DTWD2: variants seen among roughly 807,000 people sequenced by gnomAD.
DTWD2 encodes DTW motif tRNA-uridine aminocarboxypropyltransferase 2, also known as tRNA-uridine aminocarboxypropyltransferase 2.
Under a neutral mutation model 31.8 loss-of-function variants are expected in DTWD2, and 39 were observed. That is an observed-to-expected ratio of 1.22 (90% CI 0.95 to 1.60). The LOEUF (loss-of-function observed/expected upper bound fraction) is 1.60, where lower values mean the gene tolerates loss of function less well. DTWD2 is among the 40% of genes most tolerant of loss of function. DTWD2 has a pLI of 0.00. For synonymous variants in DTWD2, 180 were observed against 142.8 expected (o/e 1.26, Z -1.86); for missense variants, 515 against 381.5 (o/e 1.35, Z -2.92).
chr5:118,988,014 A>G (rs1755466836), intron 1 of DTWD2: 2 of 689,376 alleles, frequency 2.9e-6, no homozygotes, highest in Non-Finnish European at 5.3e-6. Flanking sequence ...TACTTCCCCT[A>G]TTGGACGCTT....
In DTWD2 at chr5:118,836,698, G is replaced by T. The variant is rs1189843348; in HGVS notation, c.*4219C>A. 6.6e-6 allele frequency among the ~76,000 whole-genome samples: 1 copy of T among 152,106 alleles called. No homozygotes were observed. Among genetic ancestry groups the T allele is most frequent in the African/African-American group, 2.4e-5 (1 of 41,410 alleles). ...TATAGTATTAGGAAGTGGAACCTTT[G>T]GGGGATGATTAGGTCATAAGGGTCT... is the stretch of plus-strand genomic sequence containing the variant. On this transcript the variant is annotated 3_prime_UTR_variant, in exon 6 of 6. Coordinates refer to ENST00000510708, the MANE Select transcript of DTWD2 (RefSeq NM_173666.4).
chr5:118,971,577 A>G (rs1039133114), intron 1 of DTWD2, among the ~76,000 whole-genome samples: 2 of 152,176 alleles, frequency 1.3e-5, no homozygotes, highest in African/African-American at 2.4e-5. Context: ...GATGATCAAG[A>G]CAGAAAATTA....
intron 5 of DTWD2, 29 bp from the exon 6 acceptor site, chr5:118,841,116 G>T (rs755035594): frequency 6.3e-7 from 1 of 1,579,826 alleles, no homozygotes; most frequent in East Asian, 2.3e-5. Context: ...CACTAAAAAA[G>T]TATCTGTGAC....
intron 1 of DTWD2, among the ~76,000 whole-genome samples, chr5:118,978,175 C>T (rs1211637183): frequency 6.6e-6 from 1 of 151,540 alleles, no homozygotes; most frequent in African/African-American, 2.4e-5. Context: ...CCATATGCAG[C>T]AGAAAGTTGA....
At chr5:118,931,264 G>A (rs139554434) in intron 3 of DTWD2, among the ~76,000 whole-genome samples, 12 of 152,000 alleles carry the variant, frequency 7.9e-5, no homozygotes, top group African/African-American at 1.4e-4. Flanking sequence ...GCATGGTGGC[G>A]TGCACCTATG....
Position 118,920,008 on chromosome 5 carries a change from A to T in DTWD2, c.597+8529T>A, listed in dbSNP as rs556104834. Among the ~76,000 whole-genome samples, 1,171 of 144,518 alleles carry T rather than the reference A, an allele frequency of 8.1e-3. 25 individuals carry two copies. The highest frequency in any genetic ancestry group is 0.03 in the African/African-American group (1,108 of 36,726). 94.8% of individuals were successfully genotyped at this position (144,518 alleles called of 152,430 possible). On this transcript the variant is annotated intron_variant, in intron 4 of 5. Transcript: ENST00000510708. ...TGTATATTACAGTGTAATAAAAATAAAAAAAAAAAGTGCACATTAAATGTA... is the reference window on the plus strand; with the variant it reads ...TGTATATTACAGTGTAATAAAAATATAAAAAAAAAGTGCACATTAAATGTA...
At chr5:118,950,905 C>CT (rs1178979311) in intron 1 of DTWD2, among the ~76,000 whole-genome samples, 1 of 152,020 alleles carries the variant, frequency 6.6e-6, no homozygotes, top group Non-Finnish European at 1.5e-5. Flanking sequence ...AGTTTTGGAG[C>CT]TTTTTTTAAA....
intron 1 of DTWD2, among the ~76,000 whole-genome samples, chr5:118,966,072 A>C (rs1320571010): frequency 6.6e-6 from 1 of 152,040 alleles, no homozygotes; most frequent in Non-Finnish European, 1.5e-5. Context: ...CTCTTGAGAA[A>C]CTCATAAAGA....
chr5:118,863,699 T>C (rs922577931), intron 4 of DTWD2, among the ~76,000 whole-genome samples: 24 of 152,182 alleles, frequency 1.6e-4, no homozygotes, highest in African/African-American at 4.3e-4. Flanking sequence ...GAAAAGGTAA[T>C]TTTGGACATT....
chr5:118,978,713 C>T (rs1755221783), intron 1 of DTWD2, among the ~76,000 whole-genome samples: 1 of 152,064 alleles, frequency 6.6e-6, no homozygotes, highest in Non-Finnish European at 1.5e-5. Context: ...ACTATCAAAA[C>T]GTCAACAAAT....
chr5:118,939,086 A>G, intron 3 of DTWD2, 110 bp downstream of exon 3: 1 of 1,037,806 alleles, frequency 9.6e-7, no homozygotes, highest in Non-Finnish European at 1.3e-6. Context: ...TTTTTGACTA[A>G]TTTCCACTCT....
Position 118,837,142 on chromosome 5 carries a change from G to A in DTWD2, c.*3775C>T, listed in dbSNP as rs1751590447. Among the ~76,000 whole-genome samples the A allele has an allele frequency of 6.6e-6, 1 of 152,184 alleles. No homozygotes were observed. Among genetic ancestry groups the A allele is most frequent in the Non-Finnish European group, 1.5e-5 (1 of 68,042 alleles). ...ATAAAAGGGAAGGGGAACAATGTAG[G>A]TGATGAAAGAGGGAGAGGAAGACCC... is the stretch of plus-strand genomic sequence containing the variant. On this transcript the variant is annotated 3_prime_UTR_variant, in exon 6 of 6. Coordinates refer to ENST00000510708, the MANE Select transcript of DTWD2 (RefSeq NM_173666.4).
chr5:118,960,304 G>A (rs1416015611), intron 1 of DTWD2, among the ~76,000 whole-genome samples: 7 of 151,916 alleles, frequency 4.6e-5, no homozygotes, highest in Non-Finnish European at 7.4e-5. Context: ...ACATATATAC[G>A]GCAAAGAAGC....
At chr5:118,861,243 C>A (rs186299902) in intron 4 of DTWD2, among the ~76,000 whole-genome samples, 1 of 152,218 alleles carries the variant, frequency 6.6e-6, no homozygotes, top group Admixed American at 6.5e-5. Flanking sequence ...GTTACTTAGC[C>A]TAAAGTTTGA....
At chr5:118,881,627 T>A (rs936507318) in intron 4 of DTWD2, among the ~76,000 whole-genome samples, 1 of 151,276 alleles carries the variant, frequency 6.6e-6, no homozygotes, top group African/African-American at 2.4e-5. Context: ...TGACTCAGAG[T>A]TCCACATGGC....
At chr5:118,929,628 G>A (rs1181331248) in intron 3 of DTWD2, among the ~76,000 whole-genome samples, 1 of 152,038 alleles carries the variant, frequency 6.6e-6, no homozygotes, top group Non-Finnish European at 1.5e-5. Context: ...TAATTTGGCT[G>A]AAGTTTTTCT....
chr5:118,984,353 C>T, intron 1 of DTWD2, among the ~76,000 whole-genome samples: 1 of 151,122 alleles, frequency 6.6e-6, no homozygotes, highest in Non-Finnish European at 1.5e-5. Flanking sequence ...CCCAGCTACT[C>T]TGGAGGCTGA....
At position 118,838,750 on chromosome 5, in the gene DTWD2, T is replaced by C. The variant is rs1457767322; in HGVS notation, c.*2167A>G. 1 of 128,690 alleles carries C rather than the reference T, an allele frequency of 7.8e-6. No homozygotes were observed. Among genetic ancestry groups the C allele is most frequent in the African/African-American group, 3.9e-5 (1 of 25,420 alleles). 8.0% of individuals were successfully genotyped at this position (128,690 alleles called of 1,614,324 possible). ...TTTCCAAAAACACTAAATTTTAAGC[T>C]TTTTAAGTCTTCAAAAATACTCTAA... On this transcript the variant is annotated 3_prime_UTR_variant, in exon 6 of 6. Transcript: ENST00000510708.
At chr5:118,851,218 C>CAAAAAA (rs35541408) in intron 4 of DTWD2, among the ~76,000 whole-genome samples, 4 of 81,942 alleles carry the variant, frequency 4.9e-5, no homozygotes, top group Admixed American at 2.5e-4. Context: ...GACCCTATCT[C>CAAAAAA]AAAAAAAAAA....
Sources: allele counts gnomAD v4.1 joint callset (sites outside exome capture counted in the v4.1 genomes callset), GRCh38; gene constraint gnomAD v4.1.1; transcripts MANE v1.5; gene names NCBI Gene and HGNC (gene_info 2026-07-23, HGNC 2026-07-21).